The following WWTR1 variants were observed in gnomAD, a reference collection of about 807,000 sequenced individuals.
The protein encoded by WWTR1 is WW domain-containing transcription regulator protein 1.
Under a neutral mutation model 40.1 loss-of-function variants are expected in WWTR1, and 13 were observed. The observed-to-expected ratio is 0.32, with a 90% CI of 0.21 to 0.52. WWTR1 has a LOEUF of 0.52. Among genes scored for constraint, WWTR1 ranks in the 20% least tolerant of loss-of-function variants. WWTR1 has a pLI of 0.97. For synonymous variants in WWTR1, 230 were observed against 210.1 expected, an observed-to-expected ratio of 1.09 and a Z score of -0.82; for missense variants, 436 against 523.1, an observed-to-expected ratio of 0.83 and a Z score of 1.63.
chr3:149,544,430 C>T (rs776724092), intron 3 of WWTR1, among the ~76,000 whole-genome samples: 1 of 152,174 alleles, frequency 6.6e-6, no homozygotes, highest in African/African-American at 2.4e-5. Context: ...GGAAAAATAG[C>T]TCCTGCCTTC....
At chr3:149,563,198 CTAAT>C (rs1378959947) in intron 3 of WWTR1, among the ~76,000 whole-genome samples, 3 of 152,088 alleles carry the variant, frequency 2.0e-5, no homozygotes, top group Non-Finnish European at 2.9e-5. Flanking sequence ...AATTAATTAA[CTAAT>C]TAATTAATGT....
intron 1 of WWTR1, among the ~76,000 whole-genome samples, chr3:149,681,754 A>G (rs1231858770): frequency 6.6e-6 from 1 of 152,240 alleles, no homozygotes; most frequent in Non-Finnish European, 1.5e-5. Flanking sequence ...AACAGAAGGA[A>G]ATCCTGAATA....
chr3:149,590,248 G>A (rs1364243078), intron 2 of WWTR1, among the ~76,000 whole-genome samples: 1 of 152,082 alleles, frequency 6.6e-6, no homozygotes, highest in East Asian at 1.9e-4. Context: ...CAATAACCAT[G>A]CTGTTAATGT....
At chr3:149,690,280 T>C (rs1024462791) in intron 1 of WWTR1, among the ~76,000 whole-genome samples, 7 of 151,914 alleles carry the variant, frequency 4.6e-5, no homozygotes, top group South Asian at 4.2e-4. Flanking sequence ...AACGATAACA[T>C]TGACTGTAAA....
intron 2 of WWTR1, among the ~76,000 whole-genome samples, chr3:149,612,328 G>A (rs1031766578): frequency 2.0e-5 from 3 of 151,772 alleles, no homozygotes; most frequent in African/African-American, 7.3e-5. Flanking sequence ...AATGGGCATT[G>A]GGTAAACGTT....
At chr3:149,674,215 GTCTC>G (rs79533005) in intron 1 of WWTR1, among the ~76,000 whole-genome samples, 55,611 of 150,394 alleles carry the variant, frequency 0.37, 10,581 homozygotes, top group Middle Eastern at 0.55. Flanking sequence ...GCAAGACACT[GTCTC>G]TCTCTCTCTG....
intron 4 of WWTR1, among the ~76,000 whole-genome samples, chr3:149,528,567 G>A (rs532337657): frequency 2.6e-5 from 4 of 152,206 alleles, no homozygotes; most frequent in African/African-American, 9.6e-5. Flanking sequence ...CGAGGTGGGC[G>A]GATCACTGGA....
intron 4 of WWTR1, among the ~76,000 whole-genome samples, chr3:149,528,355 T>G (rs994265465): frequency 1.3e-5 from 2 of 152,242 alleles, no homozygotes; most frequent in African/African-American, 4.8e-5. Context: ...TCCTCTGGAC[T>G]ATAAAGTACA....
intron 2 of WWTR1, among the ~76,000 whole-genome samples, chr3:149,588,569 T>C (rs986444430): frequency 2.0e-5 from 3 of 152,172 alleles, no homozygotes; most frequent in Admixed American, 1.3e-4. Flanking sequence ...TGGATCTGTA[T>C]TTGCTAAAAT....
intron 2 of WWTR1, among the ~76,000 whole-genome samples, chr3:149,667,269 G>A (rs887346570): frequency 3.9e-5 from 6 of 152,044 alleles, no homozygotes; most frequent in Non-Finnish European, 7.4e-5. Flanking sequence ...TAATGGGGCC[G>A]GGCGCAGTGG....
chr3:149,553,924 G>A (rs1736717696), intron 3 of WWTR1, among the ~76,000 whole-genome samples: 2 of 152,018 alleles, frequency 1.3e-5, no homozygotes, highest in Admixed American at 6.6e-5. Flanking sequence ...ACTCAGTCAC[G>A]ATACAATGAA....
chr3:149,600,581 C>T (rs1353257494), intron 2 of WWTR1, among the ~76,000 whole-genome samples: 1 of 152,190 alleles, frequency 6.6e-6, no homozygotes, highest in African/African-American at 2.4e-5. Flanking sequence ...ACCTCATGGG[C>T]CTGGCACCTT....
At chr3:149,693,285 A>T (rs536007080) in intron 1 of WWTR1, among the ~76,000 whole-genome samples, 1 of 152,352 alleles carries the variant, frequency 6.6e-6, no homozygotes, top group South Asian at 2.1e-4. Context: ...AGAAGTGGTG[A>T]TCTATACCAT....
chr3:149,656,974 C>G lies in WWTR1; in HGVS notation c.333G>C (p.Ala111=). 6.3e-7 allele frequency: 1 copy of G among 1,598,492 alleles called. No homozygotes were observed. The highest frequency in any genetic ancestry group is 8.5e-7 in the Non-Finnish European group (1 of 1,176,396). The change falls in exon 2 of 7, where the codon GCG becomes GCC. Residue 111 remains alanine, a synonymous_variant. Coordinates refer to ENST00000360632, the MANE Select transcript of WWTR1 (RefSeq NM_015472.6). ...GAAGSPAQQH[A]HLRQQSYDVT... is the part of the protein sequence containing the mutation. Reference sequence around the variant, plus strand: ...CGTCGTAGGACTGCTGGCGGAGGTGCGCGTGCTGCTGCGCGGGGCTACCCG... The same window carrying G: ...CGTCGTAGGACTGCTGGCGGAGGTGGGCGTGCTGCTGCGCGGGGCTACCCG...
chr3:149,563,762 T>A (rs1737188420), intron 3 of WWTR1, among the ~76,000 whole-genome samples: 1 of 152,234 alleles, frequency 6.6e-6, no homozygotes, highest in Non-Finnish European at 1.5e-5. Context: ...TTTGTTTTGC[T>A]TTGCTTTGAG....
At chr3:149,564,763 G>A (rs914997251) in intron 3 of WWTR1, among the ~76,000 whole-genome samples, 1 of 152,078 alleles carries the variant, frequency 6.6e-6, no homozygotes, top group Non-Finnish European at 1.5e-5. Context: ...TCTAAGCAAT[G>A]TGTTTTTCAA....
chr3:149,528,100 A>G, intron 4 of WWTR1, 131 bp from the exon 5 acceptor site: 4 of 1,163,628 alleles, frequency 3.4e-6, no homozygotes, highest in Non-Finnish European at 4.7e-6. Context: ...CAAAATCACC[A>G]GGCAACCATT....
At chr3:149,710,730 C>G (rs1715460184) in intron 5 of WWTR1, among the ~76,000 whole-genome samples, 2 of 151,744 alleles carry the variant, frequency 1.3e-5, no homozygotes, top group South Asian at 4.2e-4. Context: ...TAGGTGCACG[C>G]CACCAGGCCT....
In WWTR1 at chr3:149,542,456, C is replaced by G; in HGVS notation, c.650G>C (p.Gly217Ala). 6.2e-7 allele frequency: 1 copy of G among 1,614,014 alleles called. No homozygotes were observed. The highest frequency in any genetic ancestry group is 8.5e-7 in the Non-Finnish European group (1 of 1,179,986). The change falls in exon 4 of 7, where the codon GGG (glycine) becomes GCG (alanine). Residue 217 changes from glycine to alanine, a missense_variant. Physicochemically the swap from Gly to Ala is moderately conservative, Grantham distance 60. Transcript: ENST00000360632. ...QNHPTQNPPA[G>A]LMSMPNALTT... ...CAGCGCATTGGGCATACTCATGAGC[C>G]CTGCGGGTGGGTTCTGAGTGGGGTG...
Sources: allele counts gnomAD v4.1 joint callset (sites outside exome capture counted in the v4.1 genomes callset), GRCh38; gene constraint gnomAD v4.1.1; transcripts MANE v1.5; gene names NCBI Gene and HGNC (gene_info 2026-07-23, HGNC 2026-07-21).